The following CXCL13 variants were observed in gnomAD, a reference collection of about 807,000 sequenced individuals.
CXCL13 encodes the protein C-X-C motif chemokine 13.
Under a neutral mutation model 12.2 loss-of-function variants are expected in CXCL13, and 7 were observed. That is an observed-to-expected ratio of 0.57 (90% CI 0.33 to 1.07). The LOEUF (loss-of-function observed/expected upper bound fraction) is 1.07. Ranked by LOEUF, CXCL13 falls within the 50% of genes least tolerant of loss-of-function variation. CXCL13 has a pLI of 0.04. For missense variants in CXCL13, 113 were observed against 127.4 expected (o/e 0.89, Z 0.55); for synonymous variants, 47 against 42.4 (o/e 1.11, Z -0.42).
chr4:77,537,136 T>C (rs1725077713), intron 1 of CXCL13, among the ~76,000 whole-genome samples: 1 of 152,138 alleles, frequency 6.6e-6, no homozygotes, highest in Admixed American at 6.6e-5. Context: ...GGAATATTTA[T>C]AAAAACATGA....
At chr4:77,547,331 G>A (rs1725390321) in intron 1 of CXCL13, among the ~76,000 whole-genome samples, 1 of 152,150 alleles carries the variant, frequency 6.6e-6, no homozygotes, top group Admixed American at 6.5e-5. Flanking sequence ...ACAGTGGGGT[G>A]TTTACATATC....
chr4:77,550,736 G>A (rs1418525108), intron 1 of CXCL13, among the ~76,000 whole-genome samples: 1 of 152,080 alleles, frequency 6.6e-6, no homozygotes, highest in Non-Finnish European at 1.5e-5. Context: ...CAATATTATT[G>A]TGTCTATGTC....
At chr4:77,530,423 G>A (rs1329724697) in intron 1 of CXCL13, among the ~76,000 whole-genome samples, 1 of 152,036 alleles carries the variant, frequency 6.6e-6, no homozygotes, top group Non-Finnish European at 1.5e-5. Flanking sequence ...TTTTTGGTTG[G>A]TAAGCTATTA....
At chr4:77,574,636 A>T (rs1259970547) in intron 1 of CXCL13, among the ~76,000 whole-genome samples, 2 of 151,918 alleles carry the variant, frequency 1.3e-5, no homozygotes, top group East Asian at 3.8e-4. Flanking sequence ...CAGAAAATGG[A>T]GATGGGCTGA....
intron 1 of CXCL13, among the ~76,000 whole-genome samples, chr4:77,530,622 C>T (rs185330860): frequency 6.6e-6 from 1 of 152,148 alleles, no homozygotes. Flanking sequence ...GTGGTGATAT[C>T]CCCTTTAACA....
chr4:77,601,974 A>C (rs1726888018), upstream of CXCL13, among the ~76,000 whole-genome samples: 1 of 152,240 alleles, frequency 6.6e-6, no homozygotes, highest in South Asian at 2.1e-4. Flanking sequence ...AACAGATGTC[A>C]GATGTTCAGC....
chr4:77,592,584 CA>C (rs1726640166), intron 1 of CXCL13, among the ~76,000 whole-genome samples: 1 of 151,956 alleles, frequency 6.6e-6, no homozygotes, highest in African/African-American at 2.4e-5. Context: ...TAATTCTATA[CA>C]ATTATAGTTT....
At chr4:77,582,396 G>A (rs945458221) in intron 1 of CXCL13, among the ~76,000 whole-genome samples, 1 of 152,214 alleles carries the variant, frequency 6.6e-6, no homozygotes, top group African/African-American at 2.4e-5. Flanking sequence ...CCTAGATCGG[G>A]TAGGCAGTGG....
At chr4:77,609,561 G>A (rs1727096345) in intron 2 of CXCL13, among the ~76,000 whole-genome samples, 1 of 152,078 alleles carries the variant, frequency 6.6e-6, no homozygotes, top group African/African-American at 2.4e-5. Context: ...GCCCACCTCA[G>A]CCTCCCAAAG....
intron 1 of CXCL13, among the ~76,000 whole-genome samples, chr4:77,534,860 T>C (rs1307571808): frequency 2.6e-5 from 4 of 152,216 alleles, no homozygotes; most frequent in Non-Finnish European, 5.9e-5. Context: ...CTATACACAT[T>C]TGTGGAACCT....
At chr4:77,607,095 A>G (rs1727017095) in intron 1 of CXCL13, among the ~76,000 whole-genome samples, 1 of 152,236 alleles carries the variant, frequency 6.6e-6, no homozygotes, top group South Asian at 2.1e-4. Context: ...AGAGTCTGAT[A>G]GAGAAAACTC....
At chr4:77,592,270 T>C (rs1371836694) in intron 1 of CXCL13, among the ~76,000 whole-genome samples, 1 of 152,076 alleles carries the variant, frequency 6.6e-6, no homozygotes, top group African/African-American at 2.4e-5. Flanking sequence ...AAGAAGAAAA[T>C]CCTATGATTT....
upstream of CXCL13, among the ~76,000 whole-genome samples, chr4:77,601,241 G>A (rs1381099152): frequency 6.6e-6 from 1 of 152,170 alleles, no homozygotes; most frequent in Non-Finnish European, 1.5e-5. Context: ...AAATCATGGT[G>A]TGGCAAAAAA....
chr4:77,524,225 G>A (rs1034738022), intron 1 of CXCL13, among the ~76,000 whole-genome samples: 1 of 152,186 alleles, frequency 6.6e-6, no homozygotes, highest in Non-Finnish European at 1.5e-5. Flanking sequence ...CATTCTCAGA[G>A]CTCAAATGCC....
At chr4:77,531,571 G>A (rs1000614861) in intron 1 of CXCL13, among the ~76,000 whole-genome samples, 2 of 152,062 alleles carry the variant, frequency 1.3e-5, no homozygotes, top group South Asian at 4.1e-4. Flanking sequence ...TCCACTTGGT[G>A]CAGAGCTGAG....
chr4:77,514,636 C>A (rs1724369858), intron 1 of CXCL13, among the ~76,000 whole-genome samples: 1 of 149,566 alleles, frequency 6.7e-6, no homozygotes, highest in Non-Finnish European at 1.5e-5. Flanking sequence ...GTCCTTCGCC[C>A]ACTTTTTGAT....
At chr4:77,557,814 A>G (rs1277045975) in intron 1 of CXCL13, among the ~76,000 whole-genome samples, 1 of 152,214 alleles carries the variant, frequency 6.6e-6, no homozygotes, top group Admixed American at 6.5e-5. Flanking sequence ...TGCTTCAGTA[A>G]CACAGATGGC....
At chr4:77,562,192 C>G (rs986023339) in intron 1 of CXCL13, among the ~76,000 whole-genome samples, 1 of 130,586 alleles carries the variant, frequency 7.7e-6, no homozygotes, top group Non-Finnish European at 1.6e-5. Context: ...ATCACTGCAG[C>G]CCCCCGCCCC....
chr4:77,593,591 T>C (rs959079929), intron 1 of CXCL13, among the ~76,000 whole-genome samples: 12 of 152,252 alleles, frequency 7.9e-5, no homozygotes, highest in Non-Finnish European at 1.8e-4. Context: ...TCATTTCACA[T>C]TTTATTAAGC....
Sources: gnomAD v4.1 joint callset for allele counts (sites outside exome capture counted in the v4.1 genomes callset) on GRCh38, gnomAD v4.1.1 for gene constraint, MANE v1.5 for transcripts, NCBI Gene and HGNC (gene_info 2026-07-23, HGNC 2026-07-21) for gene names.